The following KIF13B variants were observed in gnomAD, a reference collection of about 807,000 sequenced individuals.
The protein encoded by KIF13B is kinesin-like protein KIF13B.
A neutral mutation model predicts 222.0 loss-of-function variants in KIF13B; 127 were observed. That is an observed-to-expected ratio of 0.57 (90% CI 0.50 to 0.66). The LOEUF is 0.66. Among genes scored for constraint, KIF13B ranks in the 30% least tolerant of loss-of-function variants. The pLI is 0.00. For missense variants in KIF13B, 2,173 were observed against 2,379.0 expected, an observed-to-expected ratio of 0.91 and a Z score of 1.80; for synonymous variants, 976 against 919.0, an observed-to-expected ratio of 1.06 and a Z score of -1.12.
intron 1 of KIF13B, among the ~76,000 whole-genome samples, chr8:29,246,973 C>T (rs781189892): frequency 6.6e-6 from 1 of 152,168 alleles, no homozygotes; most frequent in Non-Finnish European, 1.5e-5. Context: ...AATGTAAAAA[C>T]TAAAACTATT....
intron 1 of KIF13B, among the ~76,000 whole-genome samples, chr8:29,256,754 GT>G (rs2117175222): frequency 1.0e-5 from 1 of 98,164 alleles, no homozygotes; most frequent in South Asian, 3.4e-4. Context: ...TACTTTTTTT[GT>G]TTGTTTGTTT....
intron 6 of KIF13B, 37 bp downstream of exon 6, chr8:29,186,255 C>T: frequency 2.6e-6 from 4 of 1,521,684 alleles, no homozygotes; most frequent in Non-Finnish European, 3.6e-6. Flanking sequence ...TGTTTCAGTT[C>T]ACAATGCTGA....
intron 8 of KIF13B, among the ~76,000 whole-genome samples, chr8:29,178,039 A>G (rs1199677555): frequency 6.6e-6 from 1 of 152,220 alleles, no homozygotes. Context: ...AAACTGTACA[A>G]TCTAACGGTG....
At chr8:29,157,619 G>A (rs1811594120) in intron 13 of KIF13B, among the ~76,000 whole-genome samples, 1 of 151,700 alleles carries the variant, frequency 6.6e-6, no homozygotes, top group Non-Finnish European at 1.5e-5. Flanking sequence ...GCAGGAGAGT[G>A]GCTTGAACCT....
chr8:29,192,801 T>C (rs1158975305), intron 3 of KIF13B, among the ~76,000 whole-genome samples: 1 of 151,564 alleles, frequency 6.6e-6, no homozygotes, highest in Non-Finnish European at 1.5e-5. Context: ...AGTGGGGAAA[T>C]TGCCAAAAAG....
chr8:29,103,211 C>T (rs1808879894), intron 35 of KIF13B, among the ~76,000 whole-genome samples: 1 of 146,800 alleles, frequency 6.8e-6, no homozygotes, highest in South Asian at 2.2e-4. Flanking sequence ...CACTGCAGTC[C>T]GGCCTGGGCG....
intron 14 of KIF13B, among the ~76,000 whole-genome samples, chr8:29,154,437 A>G (rs1811428202): frequency 6.6e-6 from 1 of 152,036 alleles, no homozygotes; most frequent in Non-Finnish European, 1.5e-5. Flanking sequence ...TGAGAAAGAA[A>G]CTGTTGTAAG....
intron 21 of KIF13B, among the ~76,000 whole-genome samples, chr8:29,137,618 CTTTT>C (rs1810625284): frequency 6.6e-6 from 1 of 152,182 alleles, no homozygotes; most frequent in Non-Finnish European, 1.5e-5. Context: ...AGGCTGGTTT[CTTTT>C]GTTTTTCTAC....
At chr8:29,146,058 GA>G in intron 18 of KIF13B, 20 of 546,364 alleles carry the variant, frequency 3.7e-5, no homozygotes, top group South Asian at 4.7e-5. Context: ...CATAAGGAAG[GA>G]AAAAAAGACA....
chr8:29,226,908 T>A (rs937901618), intron 2 of KIF13B, among the ~76,000 whole-genome samples: 2 of 152,254 alleles, frequency 1.3e-5, no homozygotes, highest in Non-Finnish European at 2.9e-5. Context: ...CTTAATTTAT[T>A]TATATTCTGC....
intron 14 of KIF13B, among the ~76,000 whole-genome samples, chr8:29,151,638 C>T (rs973527259): frequency 6.6e-6 from 1 of 152,204 alleles, no homozygotes; most frequent in Non-Finnish European, 1.5e-5. Context: ...GACAGTACGT[C>T]TGTTTACATC....
intron 2 of KIF13B, among the ~76,000 whole-genome samples, chr8:29,214,722 T>C (rs1814397082): frequency 1.3e-5 from 2 of 152,254 alleles, no homozygotes; most frequent in Admixed American, 6.5e-5. Flanking sequence ...TGCATAATTG[T>C]ATGTGCTAGA....
intron 2 of KIF13B, among the ~76,000 whole-genome samples, chr8:29,201,301 C>T (rs1399038629): frequency 1.3e-5 from 2 of 152,200 alleles, no homozygotes; most frequent in Non-Finnish European, 2.9e-5. Flanking sequence ...AATAAACTAA[C>T]CTCTTCCTCC....
intron 10 of KIF13B, among the ~76,000 whole-genome samples, chr8:29,171,284 T>C (rs1812225314): frequency 1.3e-5 from 2 of 152,192 alleles, no homozygotes; most frequent in East Asian, 3.8e-4. Flanking sequence ...TAACCCTCAT[T>C]TAATGGTTGT....
intron 37 of KIF13B, among the ~76,000 whole-genome samples, chr8:29,083,570 T>C (rs941132397): frequency 2.6e-5 from 4 of 152,218 alleles, no homozygotes; most frequent in African/African-American, 4.8e-5. Context: ...TGAAGACAAC[T>C]CTGACATCTC....
rs1157311562 is a variant in KIF13B at position 29,070,361 on chromosome 8, C to G, written c.*143G>C. ...AAAGCTTCCAGAGGCCCAGGGAGGT[C>G]ACCAGCCCTGTGTCGTGCAAAAAGC... is the stretch of plus-strand genomic sequence containing the variant. On this transcript the variant is annotated 3_prime_UTR_variant, in exon 40 of 40. Transcript: ENST00000524189. The surrounding 1 kb of genome is among the most constrained non-coding windows in gnomAD (Gnocchi z 4.1). 1.7e-5 allele frequency: 15 copies of G among 885,736 alleles called. No individual in the cohort carries two copies. The highest frequency in any genetic ancestry group is 2.4e-5 in the Non-Finnish European group (14 of 589,078). 54.9% of individuals were successfully genotyped at this position (885,736 alleles called of 1,614,324 possible). A position where few individuals can be genotyped will look rare whatever the true frequency, so the allele number is the denominator to read the frequency against.
At chr8:29,083,466 T>A (rs1807903455) in intron 37 of KIF13B, among the ~76,000 whole-genome samples, 1 of 152,232 alleles carries the variant, frequency 6.6e-6, no homozygotes. Flanking sequence ...ACCTCTTCAA[T>A]CGACTTCTTT....
Position 29,109,928 on chromosome 8 carries a change from C to T in KIF13B, c.4073G>A (p.Arg1358His), listed in dbSNP as rs775114146. The T allele has an allele frequency of 8.7e-6, 14 of 1,613,526 alleles. No homozygotes were observed. Among genetic ancestry groups the T allele is most frequent in the Middle Eastern group, 1.7e-4 (1 of 5,986 alleles). Reference sequence around the variant, plus strand: ...ATGCGGTTGGCTAACCTGGCGCAGACGATCTAAAGTCAGGAGGTTTTCTAC... The same window carrying T: ...ATGCGGTTGGCTAACCTGGCGCAGATGATCTAAAGTCAGGAGGTTTTCTAC... ...LAVENLLTLD[R>H]LRQEVAVKEQ... Residue 1358 changes from arginine (R) to histidine (H), a missense_variant, in exon 33 of 40, where the codon CGT (arginine) becomes CAT (histidine). Around this residue, in one of 2 missense-constraint regions of KIF13B, gnomAD observed 1,480 missense variants for 1,722.8 expected, o/e 0.86. Coordinates refer to ENST00000524189, the MANE Select transcript of KIF13B (RefSeq NM_015254.4).
At chr8:29,093,782 T>C (rs1267260617) in intron 36 of KIF13B, among the ~76,000 whole-genome samples, 4 of 152,130 alleles carry the variant, frequency 2.6e-5, no homozygotes, top group Non-Finnish European at 4.4e-5. Flanking sequence ...ATGTACATTG[T>C]AATCATGAGG....
Sources: gnomAD v4.1 joint callset for allele counts (sites outside exome capture counted in the v4.1 genomes callset) on GRCh38, gnomAD v4.1.1 for gene constraint, gnomAD v4.1.1 regional missense constraint, Gnocchi (gnomAD v3.1) non-coding constraint, MANE v1.5 for transcripts, NCBI Gene and HGNC (gene_info 2026-07-23, HGNC 2026-07-21) for gene names.